The following PTPRK variants were observed in gnomAD, a reference collection of about 807,000 sequenced individuals.
The protein encoded by PTPRK is receptor-type tyrosine-protein phosphatase kappa.
A neutral mutation model predicts 178.0 loss-of-function variants in PTPRK; 75 were observed. The ratio of observed to expected loss-of-function variants is 0.42; its 90% CI spans 0.35 to 0.51. The LOEUF is 0.51. Among genes scored for constraint, PTPRK ranks in the 20% least tolerant of loss-of-function variants. The probability of loss-of-function intolerance (pLI) is 0.02; values close to 1 mark genes in which losing one functional copy is unlikely to be tolerated. For synonymous variants in PTPRK, 637 were observed against 620.6 expected, an observed-to-expected ratio of 1.03 and a Z score of -0.39; for missense variants, 1,441 against 1,797.8, an observed-to-expected ratio of 0.80 and a Z score of 3.59.
intron 1 of PTPRK, among the ~76,000 whole-genome samples, chr6:128,478,919 A>G (rs1049123702): frequency 6.6e-6 from 1 of 152,046 alleles, no homozygotes; most frequent in Non-Finnish European, 1.5e-5. Context: ...CCAGCTCCAT[A>G]CCAACTTCAC....
chr6:128,128,329 AC>A (rs957566874), intron 7 of PTPRK, among the ~76,000 whole-genome samples: 3 of 151,846 alleles, frequency 2.0e-5, no homozygotes, highest in African/African-American at 7.3e-5. Context: ...TTAGAATCTC[AC>A]CCCACCCTCC....
At chr6:128,501,417 A>C (rs1258128511) in intron 1 of PTPRK, among the ~76,000 whole-genome samples, 10 of 151,352 alleles carry the variant, frequency 6.6e-5, no homozygotes, top group African/African-American at 1.9e-4. Context: ...ACACACACAC[A>C]CCCTTCCCAT....
chr6:128,392,292 G>A (rs1839707784), intron 2 of PTPRK, among the ~76,000 whole-genome samples: 1 of 152,046 alleles, frequency 6.6e-6, no homozygotes, highest in Admixed American at 6.6e-5. Context: ...TACAGTGTGT[G>A]CATTTTAAAT....
In PTPRK at chr6:127,991,491, A is replaced by G. The variant is rs985416964; in HGVS notation, c.2882-100T>C. 6.6e-6 allele frequency: 5 copies of G among 756,754 alleles called. No individual in the cohort carries two copies. In the African/African-American group the frequency reaches 7.3e-5, roughly 11 times the overall value. 46.9% of individuals were successfully genotyped at this position (756,754 alleles called of 1,614,324 possible). On this transcript the variant is annotated intron_variant, in intron 19 of 29. Transcript: ENST00000368226. ...AAGCAGAGTAAACTAAGTAATTCCAAAAAAGGTCTAACACAAAATGTCACT... is the reference window on the plus strand; with the variant it reads ...AAGCAGAGTAAACTAAGTAATTCCAGAAAAGGTCTAACACAAAATGTCACT...
At chr6:128,052,754 T>C (rs1269040158) in intron 13 of PTPRK, among the ~76,000 whole-genome samples, 1 of 152,220 alleles carries the variant, frequency 6.6e-6, no homozygotes, top group African/African-American at 2.4e-5. Flanking sequence ...TTTGAAACTA[T>C]GTAAATACCT....
At chr6:128,466,540 G>A (rs904168527) in intron 1 of PTPRK, among the ~76,000 whole-genome samples, 1 of 152,196 alleles carries the variant, frequency 6.6e-6, no homozygotes, top group African/African-American at 2.4e-5. Context: ...TGAAATGTCA[G>A]AGTCTAGAAA....
At chr6:128,023,025 T>C (rs1225324740) in intron 13 of PTPRK, among the ~76,000 whole-genome samples, 1 of 152,176 alleles carries the variant, frequency 6.6e-6, no homozygotes, top group East Asian at 1.9e-4. Context: ...TCACCGCATT[T>C]TCTGCTTTAA....
chr6:128,519,271 C>T lies in PTPRK; in HGVS notation c.100+988G>A. On this transcript the variant is annotated intron_variant, in intron 1 of 29. Coordinates refer to ENST00000368226, the MANE Select transcript of PTPRK (RefSeq NM_002844.4). The surrounding 1 kb of genome is among the most constrained non-coding windows in gnomAD (Gnocchi z 4.3). Reference sequence around the variant, plus strand: ...GGAGAGAACGAAAGAAGCAACCAACCTACACGAAGGATAACAAAACTGGAG... The same window carrying T: ...GGAGAGAACGAAAGAAGCAACCAACTTACACGAAGGATAACAAAACTGGAG... 1 of 371,712 alleles carries T rather than the reference C, an allele frequency of 2.7e-6. No individual in the cohort carries two copies. Among genetic ancestry groups the T allele is most frequent in the South Asian group, 2.0e-5 (1 of 49,458 alleles). The allele number at this position is 371,712 out of a possible 1,614,324, so 23.0% of individuals were successfully genotyped here.
intron 7 of PTPRK, among the ~76,000 whole-genome samples, chr6:128,178,851 T>C (rs1801490369): frequency 6.6e-6 from 1 of 151,976 alleles, no homozygotes; most frequent in Non-Finnish European, 1.5e-5. Context: ...CCATAATATA[T>C]TCTCTTTCTT....
At chr6:128,478,324 C>T (rs1315149193) in intron 1 of PTPRK, among the ~76,000 whole-genome samples, 1 of 152,098 alleles carries the variant, frequency 6.6e-6, no homozygotes, top group Non-Finnish European at 1.5e-5. Context: ...CTGGACCCAT[C>T]ACTGTGCCTA....
At chr6:128,273,379 G>C (rs1312367206) in intron 3 of PTPRK, among the ~76,000 whole-genome samples, 1 of 151,786 alleles carries the variant, frequency 6.6e-6, no homozygotes, top group African/African-American at 2.4e-5. Flanking sequence ...AAAAAAAGAT[G>C]GACTTTATTT....
At chr6:128,517,605 A>G (rs1479760796) in intron 1 of PTPRK, among the ~76,000 whole-genome samples, 1 of 152,200 alleles carries the variant, frequency 6.6e-6, no homozygotes, top group Non-Finnish European at 1.5e-5. Flanking sequence ...CTTTAACTGC[A>G]AAAGCTAAGA....
At chr6:128,028,533 A>G (rs116731270) in intron 13 of PTPRK, among the ~76,000 whole-genome samples, 1,829 of 152,330 alleles carry the variant, frequency 0.012, 31 homozygotes, top group African/African-American at 0.04. Flanking sequence ...GTCTAACTGC[A>G]AACCTCTGCC....
intron 1 of PTPRK, among the ~76,000 whole-genome samples, chr6:128,472,935 T>C (rs188697934): frequency 6.6e-6 from 1 of 152,250 alleles, no homozygotes; most frequent in Admixed American, 6.6e-5. Flanking sequence ...AGTTGTTGCA[T>C]GAGACAACAG....
chr6:128,407,633 CAAAAAAAAAAA>C (rs56189580), intron 1 of PTPRK, among the ~76,000 whole-genome samples: 7 of 97,794 alleles, frequency 7.2e-5, no homozygotes, highest in Admixed American at 2.3e-4. Context: ...AAGACCCTAT[CAAAAAAAAAAA>C]AAAAAAAAAA....
intron 1 of PTPRK, among the ~76,000 whole-genome samples, chr6:128,405,838 T>C (rs1014126154): frequency 9.9e-5 from 15 of 151,896 alleles, no homozygotes; most frequent in Admixed American, 6.6e-5. Flanking sequence ...GCTTTGAGGG[T>C]TTGAATTTAA....
intron 3 of PTPRK, among the ~76,000 whole-genome samples, chr6:128,253,085 T>C (rs1357128718): frequency 6.6e-6 from 1 of 152,100 alleles, no homozygotes; most frequent in Non-Finnish European, 1.5e-5. Context: ...AATTCCAATA[T>C]AGGCAGACAG....
intron 13 of PTPRK, among the ~76,000 whole-genome samples, chr6:128,039,119 A>G (rs1051948744): frequency 2.0e-5 from 3 of 152,196 alleles, no homozygotes; most frequent in African/African-American, 7.2e-5. Context: ...AATTTATCCT[A>G]TAACAGAGAA....
intron 7 of PTPRK, among the ~76,000 whole-genome samples, chr6:128,146,767 C>A (rs191976500): frequency 1.3e-5 from 2 of 151,972 alleles, no homozygotes; most frequent in Non-Finnish European, 2.9e-5. Context: ...TATATACATA[C>A]CAATTTGGCA....
Sources: gnomAD v4.1 joint callset for allele counts (sites outside exome capture counted in the v4.1 genomes callset) on GRCh38, gnomAD v4.1.1 for gene constraint, Gnocchi (gnomAD v3.1) non-coding constraint, MANE v1.5 for transcripts, NCBI Gene and HGNC (gene_info 2026-07-23, HGNC 2026-07-21) for gene names.